IQGAP2: variants seen among roughly 807,000 people sequenced by gnomAD.
IQGAP2 encodes ras GTPase-activating-like protein IQGAP2.
Under a neutral mutation model 201.3 loss-of-function variants are expected in IQGAP2, and 173 were observed. The ratio of observed to expected loss-of-function variants is 0.86; its 90% CI spans 0.76 to 0.98. IQGAP2 has a LOEUF of 0.98. Among genes scored for constraint, IQGAP2 ranks in the 50% least tolerant of loss-of-function variants. IQGAP2 has a pLI of 0.00. For synonymous variants in IQGAP2, 675 were observed against 673.9 expected (o/e 1.00, Z -0.03); for missense variants, 1,687 against 1,864.8 (o/e 0.90, Z 1.76).
intron 17 of IQGAP2, among the ~76,000 whole-genome samples, chr5:76,643,317 T>C (rs983909762): frequency 2.6e-5 from 4 of 152,156 alleles, no homozygotes; most frequent in African/African-American, 9.7e-5. Context: ...AATTAGACAC[T>C]GAACATAATT....
chr5:76,529,025 T>A (rs761004317), intron 2 of IQGAP2, among the ~76,000 whole-genome samples: 6 of 152,186 alleles, frequency 3.9e-5, no homozygotes, highest in Non-Finnish European at 7.3e-5. Context: ...GAAGACTTGA[T>A]GAGTCTTGTG....
intron 2 of IQGAP2, among the ~76,000 whole-genome samples, chr5:76,504,524 C>T (rs894346626): frequency 4.6e-5 from 7 of 152,162 alleles, no homozygotes; most frequent in African/African-American, 1.7e-4. Context: ...GTGAGATTTC[C>T]TGCCAACTCC....
intron 2 of IQGAP2, among the ~76,000 whole-genome samples, chr5:76,463,363 C>G (rs913472003): frequency 1.3e-5 from 2 of 152,114 alleles, no homozygotes; most frequent in Admixed American, 1.3e-4. Flanking sequence ...CTTACACAAG[C>G]AGCTTGACCT....
intron 5 of IQGAP2, among the ~76,000 whole-genome samples, chr5:76,576,771 TA>T (rs528100750): frequency 7.1e-4 from 108 of 152,354 alleles, no homozygotes; most frequent in African/African-American, 2.6e-3. Flanking sequence ...GCTAGAAATA[TA>T]GACCAAGTGT....
rs149049858 is a variant in IQGAP2, at chr5:76,454,172, T to C, written c.47-7398T>C. 3.4e-4 allele frequency among the ~76,000 whole-genome samples: 52 copies of C among 152,282 alleles called. No homozygotes were observed. In the East Asian group the frequency reaches 8.3e-3, roughly 24 times the overall value. On this transcript the variant is annotated intron_variant, in intron 1 of 35. Transcript: ENST00000274364. Reference sequence around the variant, plus strand: ...AATTCTTCCAAATTAAGCAGGGTTCTAGATACACCCCACCCACAAACCCAG... The same window carrying C: ...AATTCTTCCAAATTAAGCAGGGTTCCAGATACACCCCACCCACAAACCCAG...
At chr5:76,533,109 T>C (rs1399606075) in intron 2 of IQGAP2, among the ~76,000 whole-genome samples, 2 of 152,128 alleles carry the variant, frequency 1.3e-5, no homozygotes, top group African/African-American at 4.8e-5. Context: ...TGACCCTCCC[T>C]GTGGGAGAGG....
intron 30 of IQGAP2, among the ~76,000 whole-genome samples, chr5:76,687,022 A>T (rs1033606393): frequency 1.3e-5 from 2 of 152,204 alleles, no homozygotes; most frequent in African/African-American, 4.8e-5. Flanking sequence ...GTAGCTTTGT[A>T]ATGAGTTTTG....
At chr5:76,422,016 T>C (rs1751757744) in intron 1 of IQGAP2, among the ~76,000 whole-genome samples, 1 of 152,202 alleles carries the variant, frequency 6.6e-6, no homozygotes, top group Admixed American at 6.5e-5. Flanking sequence ...AAAGCATTCA[T>C]TCAGTGCAAG....
At chr5:76,526,299 C>T (rs1021957146) in intron 2 of IQGAP2, among the ~76,000 whole-genome samples, 1 of 152,098 alleles carries the variant, frequency 6.6e-6, no homozygotes, top group Non-Finnish European at 1.5e-5. Context: ...TTTCTTTTGG[C>T]AGTGATAGAA....
rs1174335022 is a variant in IQGAP2 at position 76,695,618 on chromosome 5, C to T, written c.4158C>T (p.His1386=). 1.3e-5 allele frequency: 21 copies of T among 1,614,078 alleles called. No individual in the cohort carries two copies. The highest frequency in any genetic ancestry group is 1.4e-5 in the Non-Finnish European group (17 of 1,179,996). The change falls in exon 32 of 36, where the codon CAC becomes CAT. Residue 1386 remains histidine (H), a synonymous_variant. Transcript: ENST00000274364. The part of the protein sequence containing the change: ...RNLRTLEQTG[H]VSSENKYQDI... ...TTCGGACGTTGGAACAGACTGGACA[C>T]GTGTCATCCGAAAATAAATACCAAG...
chr5:76,419,786 C>A (rs1344485372), intron 1 of IQGAP2, among the ~76,000 whole-genome samples: 1 of 151,956 alleles, frequency 6.6e-6, no homozygotes, highest in Non-Finnish European at 1.5e-5. Flanking sequence ...TCTTGCCACA[C>A]CATTCCATCT....
chr5:76,473,511 A>G (rs981440775), intron 2 of IQGAP2, among the ~76,000 whole-genome samples: 1 of 151,572 alleles, frequency 6.6e-6, no homozygotes, highest in Admixed American at 6.6e-5. Context: ...TCTTTTTTCA[A>G]TTAAAATAAA....
chr5:76,506,600 G>A (rs1192794326), intron 2 of IQGAP2, among the ~76,000 whole-genome samples: 3 of 152,134 alleles, frequency 2.0e-5, no homozygotes. Context: ...CTAACTTATT[G>A]TCTCAAGAAT....
chr5:76,658,615 A>G lies in IQGAP2; in HGVS notation c.2477A>G (p.Asn826Ser), dbSNP rs770751155. 6.2e-6 allele frequency: 10 copies of G among 1,613,900 alleles called. No individual in the cohort carries two copies. Among genetic ancestry groups the G allele is most frequent in the Non-Finnish European group, 8.5e-6 (10 of 1,179,972 alleles). Residue 826 changes from asparagine (N) to serine (S), a missense_variant, in exon 21 of 36, where the codon AAC becomes AGC. Asn to Ser is a conservative substitution (Grantham distance 46). Coordinates refer to ENST00000274364, the MANE Select transcript of IQGAP2 (RefSeq NM_006633.5). ...AATCAACAGCTGGAAAAAGACCTGA[A>G]CCTGATGGACATCAAGATTGGACTG... The part of the protein sequence containing the change: ...RANQQLEKDL[N>S]LMDIKIGLLV...
chr5:76,472,719 T>G (rs546160144), intron 2 of IQGAP2, among the ~76,000 whole-genome samples: 2 of 152,246 alleles, frequency 1.3e-5, no homozygotes, highest in African/African-American at 4.8e-5. Flanking sequence ...GATGAAAGTA[T>G]AACTTTTCAG....
chr5:76,435,250 G>T (rs1752590817), intron 1 of IQGAP2, among the ~76,000 whole-genome samples: 1 of 151,954 alleles, frequency 6.6e-6, no homozygotes, highest in Non-Finnish European at 1.5e-5. Context: ...TGCTTTTAGG[G>T]TATTAGTCAT....
chr5:76,444,919 C>T (rs949849364), intron 1 of IQGAP2, among the ~76,000 whole-genome samples: 1 of 152,090 alleles, frequency 6.6e-6, no homozygotes, highest in Non-Finnish European at 1.5e-5. Flanking sequence ...TGTATCTTCT[C>T]TGGGGTAGTT....
intron 2 of IQGAP2, among the ~76,000 whole-genome samples, chr5:76,556,082 G>C (rs975118858): frequency 2.6e-5 from 4 of 152,204 alleles, no homozygotes; most frequent in Admixed American, 1.3e-4. Flanking sequence ...TAGAAGAGAA[G>C]AGAGAGAAAC....
chr5:76,646,721 T>C (rs867056126), intron 17 of IQGAP2, among the ~76,000 whole-genome samples: 5 of 152,246 alleles, frequency 3.3e-5, no homozygotes, highest in Non-Finnish European at 7.3e-5. Flanking sequence ...TAAGGTTTTT[T>C]TTTGAGGGCA....
Sources: allele counts gnomAD v4.1 joint callset (sites outside exome capture counted in the v4.1 genomes callset), GRCh38; gene constraint gnomAD v4.1.1; transcripts MANE v1.5; gene names NCBI Gene and HGNC (gene_info 2026-07-23, HGNC 2026-07-21).